Variants in CADM2 observed in about 807,000 individuals in gnomAD.
CADM2 encodes the protein immunoglobulin superfamily member 4D.
CADM2 carries 12 observed loss-of-function variants against 49.8 expected under a neutral mutation model. The ratio of observed to expected loss-of-function variants is 0.24; its 90% CI spans 0.15 to 0.39. The LOEUF (loss-of-function observed/expected upper bound fraction) is 0.39, where lower values mean the gene tolerates loss of function less well. CADM2 is among the 10% of genes least tolerant of loss of function. The pLI, the probability that CADM2 is intolerant of heterozygous loss-of-function variation, is 1.00. For synonymous variants in CADM2, 214 were observed against 175.4 expected (o/e 1.22, Z -1.74); for missense variants, 378 against 492.3 (o/e 0.77, Z 2.20).
intron 1 of CADM2, among the ~76,000 whole-genome samples, chr3:85,408,948 AACT>A (rs2035532004): frequency 6.6e-6 from 1 of 152,216 alleles, no homozygotes; most frequent in Non-Finnish European, 1.5e-5. Context: ...TCTAAAAAAA[AACT>A]ACATTATGGC....
intron 5 of CADM2, among the ~76,000 whole-genome samples, chr3:85,905,194 C>A: frequency 6.6e-6 from 1 of 152,044 alleles, no homozygotes; most frequent in East Asian, 1.9e-4. Flanking sequence ...TCTAGTTGAT[C>A]TGCAGTGAGA....
chr3:85,100,227 A>T (rs527981960), intron 1 of CADM2, among the ~76,000 whole-genome samples: 1 of 152,286 alleles, frequency 6.6e-6, no homozygotes, highest in South Asian at 2.1e-4. Context: ...TACCAAAGTG[A>T]TTTTTGTTGC....
At chr3:85,693,219 A>C (rs778296515) in intron 1 of CADM2, among the ~76,000 whole-genome samples, 2 of 150,536 alleles carry the variant, frequency 1.3e-5, no homozygotes, top group Non-Finnish European at 3.0e-5. Flanking sequence ...ACTGCACTCC[A>C]GCCTGGCAAC....
At chr3:85,046,334 T>C (rs2035653765) in intron 1 of CADM2, among the ~76,000 whole-genome samples, 1 of 151,294 alleles carries the variant, frequency 6.6e-6, no homozygotes, top group African/African-American at 2.4e-5. Context: ...TTTTTTTTTT[T>C]TTTTGGAGTC....
intron 8 of CADM2, among the ~76,000 whole-genome samples, chr3:86,008,162 A>G (rs1025939160): frequency 2.6e-5 from 4 of 152,178 alleles, no homozygotes; most frequent in African/African-American, 9.7e-5. Flanking sequence ...TCTAAAGGAT[A>G]GTATTGCAAA....
chr3:85,958,186 A>T (rs1724296288), intron 7 of CADM2, among the ~76,000 whole-genome samples: 1 of 152,038 alleles, frequency 6.6e-6, no homozygotes, highest in African/African-American at 2.4e-5. Context: ...GCCAACAAAC[A>T]TACAAAAAAA....
rs180741709 is a variant in CADM2, at chr3:85,179,802, A to G, written c.61+220134A>G. Among the ~76,000 whole-genome samples, 42 of 152,272 alleles carry G rather than the reference A, an allele frequency of 2.8e-4. 2 individuals are homozygous for G. The East Asian group carries it at 7.3e-3, about 27-fold the overall frequency. On this transcript the variant is annotated intron_variant, in intron 1 of 9. Coordinates refer to ENST00000383699, the MANE Select transcript of CADM2 (RefSeq NM_001167675.2). ...TTTATTATTTTGAATAAAAATGCGA[A>G]GCCAACCTTTTTAATATTTATGTTT...
At chr3:85,966,231 A>G (rs72910597) in intron 8 of CADM2, among the ~76,000 whole-genome samples, 5,526 of 151,772 alleles carry the variant, frequency 0.036, 333 homozygotes, top group African/African-American at 0.13. Flanking sequence ...TATACTATCA[A>G]TGGCAGGTCC....
At chr3:85,764,794 C>A (rs2069575615) in intron 2 of CADM2, among the ~76,000 whole-genome samples, 1 of 151,924 alleles carries the variant, frequency 6.6e-6, no homozygotes, top group African/African-American at 2.4e-5. Flanking sequence ...GTTATAAGGT[C>A]ACTTTTGTAT....
intron 1 of CADM2, among the ~76,000 whole-genome samples, chr3:85,612,187 AT>A (rs1220573712): frequency 6.6e-6 from 1 of 151,916 alleles, no homozygotes; most frequent in African/African-American, 2.4e-5. Flanking sequence ...TATCTTTTAT[AT>A]TTTAGGGAAA....
chr3:85,079,730 A>C (rs1255514300), intron 1 of CADM2, among the ~76,000 whole-genome samples: 1 of 151,966 alleles, frequency 6.6e-6, no homozygotes, highest in South Asian at 2.1e-4. Flanking sequence ...ATTACATAGC[A>C]ATAGCTTGAA....
intron 5 of CADM2, among the ~76,000 whole-genome samples, chr3:85,902,640 TACC>T (rs1215861214): frequency 6.6e-6 from 1 of 151,550 alleles, no homozygotes. Context: ...GTTCATTCTT[TACC>T]ACTTTATGCT....
intron 1 of CADM2, among the ~76,000 whole-genome samples, chr3:85,368,583 A>G (rs2032971477): frequency 6.6e-6 from 1 of 151,028 alleles, no homozygotes; most frequent in South Asian, 2.1e-4. Context: ...TATATACCTG[A>G]AAAAGTATCA....
At chr3:85,632,890 A>G (rs996113752) in intron 1 of CADM2, among the ~76,000 whole-genome samples, 2 of 152,132 alleles carry the variant, frequency 1.3e-5, no homozygotes, top group African/African-American at 4.8e-5. Flanking sequence ...ATCTAATAGA[A>G]TAGATTTTAT....
intron 1 of CADM2, among the ~76,000 whole-genome samples, chr3:85,490,078 G>C (rs1405067735): frequency 7.3e-6 from 1 of 136,614 alleles, no homozygotes; most frequent in African/African-American, 2.8e-5. Context: ...ATTAATTAGA[G>C]AACTTTGTAA....
At chr3:85,664,190 TA>T (rs1185138033) in intron 1 of CADM2, among the ~76,000 whole-genome samples, 1 of 151,932 alleles carries the variant, frequency 6.6e-6, no homozygotes, top group Non-Finnish European at 1.5e-5. Flanking sequence ...TTTTATTGGG[TA>T]ATGTTTAGTT....
chr3:85,360,783 G>A, intron 1 of CADM2, among the ~76,000 whole-genome samples: 1 of 152,272 alleles, frequency 6.6e-6, no homozygotes, highest in South Asian at 2.1e-4. Context: ...TCACAAGAGT[G>A]TTGTTACAAA....
At chr3:85,603,535 A>C (rs1272929093) in intron 1 of CADM2, among the ~76,000 whole-genome samples, 1 of 151,858 alleles carries the variant, frequency 6.6e-6, no homozygotes, top group Non-Finnish European at 1.5e-5. Context: ...GCTGTTACTG[A>C]ACTAAACATT....
intron 2 of CADM2, among the ~76,000 whole-genome samples, chr3:85,755,049 G>A (rs143319027): frequency 1.2e-4 from 19 of 152,068 alleles, no homozygotes; most frequent in African/African-American, 4.3e-4. Context: ...AAACTCTCTG[G>A]CACCAACTGG....
Sources: allele counts gnomAD v4.1 joint callset (sites outside exome capture counted in the v4.1 genomes callset), GRCh38; gene constraint gnomAD v4.1.1; transcripts MANE v1.5; gene names NCBI Gene and HGNC (gene_info 2026-07-23, HGNC 2026-07-21).